DRC1: variants seen among roughly 807,000 people sequenced by gnomAD.
DRC1 encodes dynein regulatory complex protein 1.
A neutral mutation model predicts 98.7 loss-of-function variants in DRC1; 74 were observed. The ratio of observed to expected loss-of-function variants is 0.75; its 90% confidence interval spans 0.62 to 0.91. The LOEUF is 0.91. Ranked by LOEUF, DRC1 falls within the 40% of genes least tolerant of loss-of-function variation. The pLI is 0.00. For missense variants in DRC1, 875 were observed against 886.0 expected (o/e 0.99, Z 0.16); for synonymous variants, 336 against 334.1 (o/e 1.01, Z -0.06).
At chr2:26,435,204 T>C (rs1663539448) in intron 7 of DRC1, among the ~76,000 whole-genome samples, 1 of 152,128 alleles carries the variant, frequency 6.6e-6, no homozygotes, top group African/African-American at 2.4e-5. Flanking sequence ...CTTGTGCTGC[T>C]CCAGGAAAAA....
intron 4 of DRC1, among the ~76,000 whole-genome samples, chr2:26,429,182 GATGATTATTATTATT>G (rs369641779): frequency 0.025 from 3,697 of 146,104 alleles, 189 homozygotes; most frequent in African/African-American, 0.084. Flanking sequence ...TCTTTGTACA[GATGATTATTATTATT>G]ATTATTATTA....
At chr2:26,444,135 T>G in intron 8 of DRC1, 87 bp from the exon 9 acceptor site, 1 of 1,577,840 alleles carries the variant, frequency 6.3e-7, no homozygotes, top group South Asian at 1.1e-5. Flanking sequence ...CTCCTGGGTT[T>G]GTGGTAGAGC....
chr2:26,439,978 C>CAT (rs1267164368), intron 7 of DRC1, among the ~76,000 whole-genome samples: 3 of 134,158 alleles, frequency 2.2e-5, no homozygotes, highest in Non-Finnish European at 4.9e-5. Flanking sequence ...TATATACACA[C>CAT]ATATATATAT....
At chr2:26,412,528 C>A (rs1045500699) in intron 1 of DRC1, among the ~76,000 whole-genome samples, 5 of 152,052 alleles carry the variant, frequency 3.3e-5, no homozygotes, top group Non-Finnish European at 7.4e-5. Context: ...TGAGGTCACT[C>A]CCCCATGCCT....
chr2:26,447,056 C>T (rs1414564635), intron 10 of DRC1, among the ~76,000 whole-genome samples: 5 of 150,624 alleles, frequency 3.3e-5, no homozygotes, highest in African/African-American at 1.2e-4. Flanking sequence ...CACCACTGCA[C>T]TCCAGGATGA....
intron 6 of DRC1, 65 bp from the exon 7 acceptor site, chr2:26,431,819 A>C (rs1244539679): frequency 2.5e-6 from 4 of 1,598,096 alleles, no homozygotes; most frequent in Non-Finnish European, 3.4e-6. Flanking sequence ...TGGGCAGGCC[A>C]TCCGAAGGAT....
At chr2:26,403,108 T>C (rs537050120) in intron 1 of DRC1, among the ~76,000 whole-genome samples, 1 of 152,324 alleles carries the variant, frequency 6.6e-6, no homozygotes, top group East Asian at 1.9e-4. Flanking sequence ...CTTCTTTTGA[T>C]AAAAAATAAT....
chr2:26,447,264 T>G (rs1663878082), intron 10 of DRC1, among the ~76,000 whole-genome samples: 1 of 148,802 alleles, frequency 6.7e-6, no homozygotes, highest in Admixed American at 6.7e-5. Context: ...AATACAAAAA[T>G]TAGCCGGGCA....
chr2:26,418,110 C>G (rs900436308), intron 2 of DRC1, among the ~76,000 whole-genome samples: 2 of 152,070 alleles, frequency 1.3e-5, no homozygotes, highest in Non-Finnish European at 2.9e-5. Flanking sequence ...CTCAAGTAGA[C>G]TTGTCCCATG....
intron 8 of DRC1, among the ~76,000 whole-genome samples, chr2:26,443,468 C>A (rs1277428205): frequency 6.6e-6 from 1 of 152,166 alleles, no homozygotes; most frequent in Non-Finnish European, 1.5e-5. Context: ...TTGGACCACC[C>A]CCTCCCCTGC....
At chr2:26,429,825 G>T in intron 5 of DRC1, 60 bp downstream of exon 5, 1 of 1,581,300 alleles carries the variant, frequency 6.3e-7, no homozygotes, top group Non-Finnish European at 8.6e-7. Flanking sequence ...AGGAGGTCTA[G>T]GTCTGTCCTA....
At chr2:26,417,091 A>G (rs570147364) in intron 2 of DRC1, among the ~76,000 whole-genome samples, 4 of 152,248 alleles carry the variant, frequency 2.6e-5, no homozygotes, top group African/African-American at 9.6e-5. Flanking sequence ...ACTATGAGGA[A>G]TCCACCCCCA....
In DRC1 at chr2:26,414,115, C is replaced by CATTATTATTATTATTATTATTATTATT. The variant is rs3067393; in HGVS notation, c.156-225_156-199dup. Among the ~76,000 whole-genome samples the CATTATTATTATTATTATTATTATTATT allele has an allele frequency of 1.2e-3, 167 of 144,488 alleles. 1 individual carries two copies. The highest frequency in any genetic ancestry group is 3.7e-3 in the African/African-American group (148 of 39,706). 94.8% of individuals were successfully genotyped at this position (144,488 alleles called of 152,430 possible). ...ATTTATATATGAAGTACAATGGAAC[C>CATTATTATTATTATTATTATTATTATT]ATTATTATTATTATTATTATTATTA... is the stretch of plus-strand genomic sequence containing the variant. On this transcript the variant is annotated intron_variant, in intron 1 of 16. Coordinates refer to ENST00000288710, the MANE Select transcript of DRC1 (RefSeq NM_145038.5).
chr2:26,439,160 G>A (rs549243712), intron 7 of DRC1, among the ~76,000 whole-genome samples: 1 of 152,124 alleles, frequency 6.6e-6, no homozygotes, highest in East Asian at 1.9e-4. Context: ...TTTTCCCAAA[G>A]CACCCACCCC....
At chr2:26,446,863 G>A (rs1009808520) in intron 10 of DRC1, among the ~76,000 whole-genome samples, 23 of 152,144 alleles carry the variant, frequency 1.5e-4, no homozygotes, top group Admixed American at 2.0e-4. Flanking sequence ...AGGCCAAGGC[G>A]CGCAGATCAC....
chr2:26,415,936 A>C lies in DRC1; in HGVS notation c.243+1505A>C, dbSNP rs1287489975. ...GACAGAGGGAGACTCTTTCTCTTTC[A>C]AAAAAAAAAAAAAAAAAAAAGTCAG... is the stretch of plus-strand genomic sequence containing the variant. On this transcript the variant is annotated intron_variant, in intron 2 of 16. Transcript: ENST00000288710. Among the ~76,000 whole-genome samples the C allele has an allele frequency of 1.2e-4, 6 of 50,658 alleles. No homozygotes were observed. In the East Asian group the frequency reaches 2.0e-3, roughly 17 times the overall value. 33.2% of individuals were successfully genotyped at this position (50,658 alleles called of 152,430 possible).
In DRC1 at chr2:26,414,378, G is replaced by C; in HGVS notation, c.190G>C (p.Glu64Gln). 6.2e-7 allele frequency: 1 copy of C among 1,613,864 alleles called. No individual in the cohort carries two copies. The highest frequency in any genetic ancestry group is 1.1e-5 in the South Asian group (1 of 91,024). ...ALGEYLDGKK[E>Q]SEEDQSKSYK... is the part of the protein sequence containing the mutation. ...TGGAGAATATTTAGATGGGAAGAAG[G>C]AGAGTGAGGAGGATCAAAGCAAGAG... is the stretch of plus-strand genomic sequence containing the variant. The change falls in exon 2 of 17, where the codon GAG becomes CAG. Residue 64 changes from glutamate to glutamine, a missense_variant. Physicochemically the swap from Glu to Gln is conservative, Grantham distance 29 (BLOSUM62 2). Transcript: ENST00000288710.
At position 26,449,946 on chromosome 2, in the gene DRC1, C is replaced by T. The variant is rs183517789; in HGVS notation, c.1510-50C>T. The T allele has an allele frequency of 1.7e-5, 27 of 1,560,030 alleles. No individual in the cohort carries two copies. The Admixed American group carries it at 2.9e-4, about 17-fold the overall frequency. ...GGGGGCAGCTGCAGACCCTGGGACT[C>T]GCTCCTGAAACCTGTCCCCGACAGG... is the stretch of plus-strand genomic sequence containing the variant. On this transcript the variant is annotated intron_variant, in intron 11 of 16. Transcript: ENST00000288710.
chr2:26,430,370 C>A (rs1572368522), intron 5 of DRC1: 2 of 371,470 alleles, frequency 5.4e-6, no homozygotes, highest in South Asian at 4.2e-5. Flanking sequence ...CTCATTTCTG[C>A]ATTCCTAAAC....
Sources: gnomAD v4.1 joint callset for allele counts (sites outside exome capture counted in the v4.1 genomes callset) on GRCh38, gnomAD v4.1.1 for gene constraint, MANE v1.5 for transcripts, NCBI Gene and HGNC (gene_info 2026-07-23, HGNC 2026-07-21) for gene names.